ADAM7: variants seen among roughly 807,000 people sequenced by gnomAD.
ADAM7 encodes the protein disintegrin and metalloproteinase domain-containing protein 7.
Under a neutral mutation model 102.9 loss-of-function variants are expected in ADAM7, and 97 were observed. The ratio of observed to expected loss-of-function variants is 0.94; its 90% CI spans 0.80 to 1.12. ADAM7 has a LOEUF of 1.12. Ranked by LOEUF, ADAM7 falls within the 50% of genes most tolerant of loss-of-function variation. ADAM7 has a pLI of 0.00. For missense variants in ADAM7, 991 were observed against 908.7 expected, an observed-to-expected ratio of 1.09 and a Z score of -1.16; for synonymous variants, 334 against 304.4, an observed-to-expected ratio of 1.10 and a Z score of -1.01.
At chr8:24,476,327 G>A in intron 7 of ADAM7, 106 bp from the exon 8 acceptor site, 1 of 752,768 alleles carries the variant, frequency 1.3e-6, no homozygotes, top group African/African-American at 1.8e-5. Context: ...TTCTTCATTA[G>A]GCCAATGATT....
At chr8:24,506,248 A>T in intron 20 of ADAM7, 1 of 1,040,588 alleles carries the variant, frequency 9.6e-7, no homozygotes, top group Non-Finnish European at 1.4e-6. Context: ...TTCCTTGAAA[A>T]GGACCAATAA....
In ADAM7 at chr8:24,441,161, GTA is replaced by G. The variant is rs1818360275; in HGVS notation, c.52+3_52+4del. 2 of 1,611,790 alleles carry G rather than the reference GTA, an allele frequency of 1.2e-6. No individual in the cohort carries two copies. Among genetic ancestry groups the G allele is most frequent in the African/African-American group, 2.7e-5 (2 of 74,856 alleles). ...ATTTTACTCATTCCTCAGGTTAAAG[GTA>G]TGTCTTGCTCTTTTTATCAGGACTT... On this transcript the variant is annotated splice_donor_variant and splice_donor_region_variant and intron_variant, in intron 1 of 21. Coordinates refer to ENST00000175238, the MANE Select transcript of ADAM7 (RefSeq NM_003817.4). LOFTEE classifies it high-confidence loss of function.
Position 24,441,424 on chromosome 8 carries a change from T to G in ADAM7, c.52+264T>G, listed in dbSNP as rs536129755. Reference sequence around the variant, plus strand: ...GCATGGCAGGCACTGTGCTGGCCATTAGCTGCTTTGTATGTTAAAGTGTTT... The same window carrying G: ...GCATGGCAGGCACTGTGCTGGCCATGAGCTGCTTTGTATGTTAAAGTGTTT... On this transcript the variant is annotated intron_variant, in intron 1 of 21. Coordinates refer to ENST00000175238, the MANE Select transcript of ADAM7 (RefSeq NM_003817.4). Among the ~76,000 whole-genome samples the G allele has an allele frequency of 1.8e-3, 271 of 152,294 alleles. 1 individual carries two copies. The highest frequency in any genetic ancestry group is 6.3e-3 in the African/African-American group (261 of 41,562).
chr8:24,460,283 A>T (rs972626136), intron 3 of ADAM7, among the ~76,000 whole-genome samples: 1 of 152,006 alleles, frequency 6.6e-6, no homozygotes, highest in African/African-American at 2.4e-5. Context: ...CTGATTTTTA[A>T]TGCCTTCTAA....
intron 3 of ADAM7, among the ~76,000 whole-genome samples, chr8:24,459,052 G>T (rs1819143807): frequency 6.6e-6 from 1 of 151,820 alleles, no homozygotes; most frequent in Non-Finnish European, 1.5e-5. Flanking sequence ...CTTCTGAGTT[G>T]GGAAATATTC....
At chr8:24,490,064 G>A (rs967678118) in intron 12 of ADAM7, among the ~76,000 whole-genome samples, 18 of 152,218 alleles carry the variant, frequency 1.2e-4, no homozygotes, top group African/African-American at 3.1e-4. Context: ...TTGCTGGCCC[G>A]AGGACCACAA....
At chr8:24,453,917 T>A (rs933711860) in intron 3 of ADAM7, among the ~76,000 whole-genome samples, 1 of 152,236 alleles carries the variant, frequency 6.6e-6, no homozygotes, top group Non-Finnish European at 1.5e-5. Flanking sequence ...AGAGGTCCAC[T>A]CCAGACCTGT....
chr8:24,485,477 T>C (rs1376255813), intron 10 of ADAM7, 116 bp downstream of exon 10: 4 of 771,746 alleles, frequency 5.2e-6, no homozygotes, highest in Non-Finnish European at 8.1e-6. Context: ...CACTAAGATA[T>C]GTCATGAACA....
chr8:24,501,472 G>C lies in ADAM7; in HGVS notation c.2109-5G>C, dbSNP rs546952234. On this transcript the variant is annotated splice_region_variant and splice_polypyrimidine_tract_variant and intron_variant, in intron 19 of 21. Transcript: ENST00000175238. Reference sequence around the variant, plus strand: ...AAATTAGTTGTTCAATTTCCTTCTTGACAGCCCACCTACAGAAACCCTGGG... The same window carrying C: ...AAATTAGTTGTTCAATTTCCTTCTTCACAGCCCACCTACAGAAACCCTGGG... The C allele has an allele frequency of 6.3e-7, 1 of 1,599,322 alleles. No homozygotes were observed. Among genetic ancestry groups the C allele is most frequent in the Admixed American group, 1.8e-5 (1 of 56,378 alleles).
chr8:24,466,348 C>T (rs565129528), intron 5 of ADAM7, among the ~76,000 whole-genome samples: 107 of 152,248 alleles, frequency 7.0e-4, no homozygotes, highest in African/African-American at 2.2e-3. Flanking sequence ...TCTTTAATTA[C>T]GGGAAATTTG....
intron 13 of ADAM7, 65 bp from the exon 14 acceptor site, chr8:24,491,838 C>G: frequency 3.0e-6 from 4 of 1,337,428 alleles, no homozygotes; most frequent in Middle Eastern, 1.9e-4. Context: ...AACTTTCTGT[C>G]TACTTACGAA....
chr8:24,500,978 T>TG, intron 19 of ADAM7, 83 bp downstream of exon 19: 1 of 1,146,518 alleles, frequency 8.7e-7, no homozygotes, highest in Non-Finnish European at 1.3e-6. Context: ...GGATATTCAA[T>TG]GGGGGGAAGT....
chr8:24,477,569 A>AGTGTGTGAGTGTGTGTGTGTGT (rs60219377), intron 8 of ADAM7, among the ~76,000 whole-genome samples: 2,649 of 145,626 alleles, frequency 0.018, 41 homozygotes, highest in South Asian at 0.035. Flanking sequence ...TACCCTCATC[A>AGTGTGTGAGTGTGTGTGTGTGT]GTGTGTGTGT....
intron 3 of ADAM7, among the ~76,000 whole-genome samples, chr8:24,450,802 T>C (rs557971740): frequency 1.3e-5 from 2 of 152,312 alleles, no homozygotes; most frequent in East Asian, 3.9e-4. Flanking sequence ...TGGATAGCTC[T>C]TATTATTTTG....
intron 3 of ADAM7, among the ~76,000 whole-genome samples, chr8:24,450,353 A>C (rs1818734729): frequency 6.6e-6 from 1 of 152,124 alleles, no homozygotes; most frequent in Non-Finnish European, 1.5e-5. Context: ...TTCTCCTTGA[A>C]GAGGTCCTTC....
At chr8:24,451,086 A>T (rs960934836) in intron 3 of ADAM7, among the ~76,000 whole-genome samples, 1 of 151,986 alleles carries the variant, frequency 6.6e-6, no homozygotes, top group Non-Finnish European at 1.5e-5. Context: ...ATCAATGTTC[A>T]TCAAGGATAT....
intron 2 of ADAM7, among the ~76,000 whole-genome samples, chr8:24,445,213 C>A (rs939676600): frequency 6.6e-6 from 1 of 152,056 alleles, no homozygotes; most frequent in African/African-American, 2.4e-5. Context: ...TACAACTCAT[C>A]ATGTTGCAAA....
chr8:24,465,287 C>G lies in ADAM7; in HGVS notation c.313-412C>G, dbSNP rs542456506. ...AAAAATAATTACCTGATTGGACTAC[C>G]ATGGGCAGAGCATCAAGTAGGGAGT... On this transcript the variant is annotated intron_variant, in intron 4 of 21. Transcript: ENST00000175238. 3.3e-5 allele frequency among the ~76,000 whole-genome samples: 5 copies of G among 152,212 alleles called. 1 individual carries two copies. The highest frequency in any genetic ancestry group is 9.6e-5 in the African/African-American group (4 of 41,534).
rs748229698 is a variant in ADAM7 at position 24,501,536 on chromosome 8, T to A, written c.2168T>A (p.Ile723Lys). The change falls in exon 20 of 22, where the codon ATA becomes AAA. Residue 723 changes from isoleucine (I) to lysine (K), a missense_variant. Ile to Lys is a moderately radical substitution (Grantham distance 102). Coordinates refer to ENST00000175238, the MANE Select transcript of ADAM7 (RefSeq NM_003817.4). ...NKGYFGDEQQ[I>K]RTEPILPEIH... ...GGATACTTTGGTGATGAGCAGCAGA[T>A]AAGGACTGAGCCAATCCTGCCAGAA... 4 of 1,608,636 alleles carry A rather than the reference T, an allele frequency of 2.5e-6. No homozygotes were observed. The Admixed American group carries it at 6.8e-5, about 28-fold the overall frequency.
Sources: allele counts gnomAD v4.1 joint callset (sites outside exome capture counted in the v4.1 genomes callset), GRCh38; gene constraint gnomAD v4.1.1; transcripts MANE v1.5; gene names NCBI Gene and HGNC (gene_info 2026-07-23, HGNC 2026-07-21).